The following ADD3 variants were observed in gnomAD, a reference collection of about 807,000 sequenced individuals.
ADD3 encodes the protein adducin 3.
In ADD3, 25 loss-of-function variants were observed where a neutral mutation model predicts 80.2. That is an observed-to-expected ratio of 0.31 (90% CI 0.23 to 0.44). The LOEUF (loss-of-function observed/expected upper bound fraction) is 0.44. Among genes scored for constraint, ADD3 ranks in the 20% least tolerant of loss-of-function variants. ADD3 has a pLI of 1.00. For synonymous variants in ADD3, 284 were observed against 289.6 expected (o/e 0.98, Z 0.20); for missense variants, 829 against 847.5 (o/e 0.98, Z 0.27).
At chr10:110,033,947 A>G (rs1855345325) in intron 1 of ADD3, among the ~76,000 whole-genome samples, 3 of 152,208 alleles carry the variant, frequency 2.0e-5, no homozygotes, top group Admixed American at 2.0e-4. Context: ...TTTCTGTACC[A>G]TCTCTTAAAG....
chr10:110,120,850 C>G (rs899355939), intron 8 of ADD3, among the ~76,000 whole-genome samples: 4 of 152,038 alleles, frequency 2.6e-5, no homozygotes, highest in Non-Finnish European at 5.9e-5. Flanking sequence ...ACGCCACATA[C>G]CTACGACTAG....
chr10:110,003,763 G>C (rs1195278218), upstream of ADD3, among the ~76,000 whole-genome samples: 2 of 152,082 alleles, frequency 1.3e-5, no homozygotes, highest in African/African-American at 2.4e-5. Context: ...GAGATTTGTG[G>C]CTACAATTTA....
At chr10:110,007,593 G>A (rs1242770535), upstream of ADD3, among the ~76,000 whole-genome samples, 1 of 152,146 alleles carries the variant, frequency 6.6e-6, no homozygotes, top group Non-Finnish European at 1.5e-5. Context: ...GGGACGCCGC[G>A]GATTCGAGCT....
chr10:110,129,226 G>A (rs949415798), intron 12 of ADD3, among the ~76,000 whole-genome samples: 1 of 149,442 alleles, frequency 6.7e-6, no homozygotes, highest in East Asian at 2.0e-4. Flanking sequence ...CTCAGCTCAC[G>A]GCAACCTCCG....
intron 1 of ADD3, among the ~76,000 whole-genome samples, chr10:110,080,904 T>C (rs1845982826): frequency 6.6e-6 from 1 of 152,234 alleles, no homozygotes; most frequent in South Asian, 2.1e-4. Flanking sequence ...GGCAAAGTTA[T>C]AAAGTAACAA....
chr10:110,084,600 C>T (rs893618639), intron 1 of ADD3, among the ~76,000 whole-genome samples: 9 of 152,170 alleles, frequency 5.9e-5, no homozygotes, highest in Non-Finnish European at 8.8e-5. Flanking sequence ...CTCTCTCTCT[C>T]AGGATCTGTT....
At chr10:110,124,757 GTTATT>G (rs1045993320) in intron 10 of ADD3, among the ~76,000 whole-genome samples, 1 of 152,124 alleles carries the variant, frequency 6.6e-6, no homozygotes, top group African/African-American at 2.4e-5. Context: ...AGAGAAATGG[GTTATT>G]TTATCTTTTT....
At chr10:110,002,281 C>CTT (rs796225903), upstream of ADD3, among the ~76,000 whole-genome samples, 1 of 148,424 alleles carries the variant, frequency 6.7e-6, no homozygotes, top group Non-Finnish European at 1.5e-5. Context: ...ACTAGTGAGT[C>CTT]TTTTTTTTTT....
intron 1 of ADD3, among the ~76,000 whole-genome samples, chr10:110,097,950 T>A (rs1470505134): frequency 6.6e-6 from 1 of 152,102 alleles, no homozygotes; most frequent in Non-Finnish European, 1.5e-5. Flanking sequence ...AATTTTTTTG[T>A]ATTTTTAATA....
intron 1 of ADD3, among the ~76,000 whole-genome samples, chr10:110,014,580 C>T (rs1446430626): frequency 1.3e-5 from 2 of 152,058 alleles, no homozygotes; most frequent in African/African-American, 4.8e-5. Flanking sequence ...GGCTGGAGTG[C>T]AATGGCGCAA....
In ADD3 at chr10:110,015,340, AACTAGAGCTGC is replaced by A. The variant is rs1466011035; in HGVS notation, c.-30+7046_-30+7056del. Among the ~76,000 whole-genome samples, 3 of 152,130 alleles carry A rather than the reference AACTAGAGCTGC, an allele frequency of 2.0e-5. No homozygotes were observed. In the East Asian group the frequency reaches 5.8e-4, roughly 29 times the overall value. On this transcript the variant is annotated intron_variant, in intron 1 of 14. Coordinates refer to ENST00000356080, the MANE Select transcript of ADD3 (RefSeq NM_016824.5). ...CTTTAAAAATACTTGTTTTTTGAAA[AACTAGAGCTGC>A]ACTAATTTTCATATTAGAATGTTTG...
At chr10:110,110,701 T>C (rs1385419330) in intron 2 of ADD3, among the ~76,000 whole-genome samples, 1 of 152,046 alleles carries the variant, frequency 6.6e-6, no homozygotes, top group East Asian at 1.9e-4. Flanking sequence ...GCCATTTTTT[T>C]TTTTTAAAGT....
chr10:110,093,102 G>A (rs1964919), intron 1 of ADD3, among the ~76,000 whole-genome samples: 10,004 of 152,144 alleles, frequency 0.066, 565 homozygotes, highest in African/African-American at 0.15. Flanking sequence ...CAAGTAATCC[G>A]CCCACCTTGG....
At chr10:110,133,292 A>C (rs1564678781) in intron 14 of ADD3, 34 bp from the exon 15 acceptor site, 3 of 1,544,740 alleles carry the variant, frequency 1.9e-6, no homozygotes, top group Admixed American at 4.0e-5. Flanking sequence ...TTAAGTATGT[A>C]AAATAACCCC....
At chr10:110,100,261 A>G (rs1335730167) in intron 1 of ADD3, among the ~76,000 whole-genome samples, 2 of 151,618 alleles carry the variant, frequency 1.3e-5, no homozygotes, top group African/African-American at 4.9e-5. Context: ...GAGGCAGGAG[A>G]ATCTCTTGAA....
chr10:110,069,757 A>G (rs1844443137), intron 1 of ADD3, among the ~76,000 whole-genome samples: 1 of 152,194 alleles, frequency 6.6e-6, no homozygotes. Context: ...TTTCAAGATA[A>G]TTGGTCTTAA....
chr10:110,011,537 G>C (rs1041025792), intron 1 of ADD3, among the ~76,000 whole-genome samples: 13 of 152,184 alleles, frequency 8.5e-5, no homozygotes, highest in African/African-American at 2.9e-4. Context: ...CTTTATTGAA[G>C]ACACAGGTTA....
At chr10:110,121,169 G>T (rs1047972868) in intron 8 of ADD3, among the ~76,000 whole-genome samples, 1 of 152,126 alleles carries the variant, frequency 6.6e-6, no homozygotes, top group East Asian at 1.9e-4. Flanking sequence ...TTAAACTAAA[G>T]GCCCTAATTT....
intron 5 of ADD3, among the ~76,000 whole-genome samples, chr10:110,117,760 A>G (rs1025005114): frequency 6.6e-6 from 1 of 152,034 alleles, no homozygotes; most frequent in African/African-American, 2.4e-5. Context: ...TCACGCCTGT[A>G]ATCCAAGCAC....
Sources: gnomAD v4.1 joint callset for allele counts (sites outside exome capture counted in the v4.1 genomes callset) on GRCh38, gnomAD v4.1.1 for gene constraint, MANE v1.5 for transcripts, NCBI Gene and HGNC (gene_info 2026-07-23, HGNC 2026-07-21) for gene names.